Variants in GALNT10 observed in about 807,000 individuals in gnomAD.
GALNT10 encodes the protein polypeptide N-acetylgalactosaminyltransferase 10.
Under a neutral mutation model 75.0 loss-of-function variants are expected in GALNT10, and 41 were observed. The ratio of observed to expected loss-of-function variants is 0.55; its 90% CI spans 0.43 to 0.71. GALNT10 has a LOEUF of 0.71. Among genes scored for constraint, GALNT10 ranks in the 30% least tolerant of loss-of-function variants. GALNT10 has a pLI of 0.00. For missense variants in GALNT10, 727 were observed against 818.5 expected, an observed-to-expected ratio of 0.89 and a Z score of 1.36; for synonymous variants, 302 against 313.0, an observed-to-expected ratio of 0.96 and a Z score of 0.37.
chr5:154,375,846 G>A (rs1054121090), intron 4 of GALNT10, among the ~76,000 whole-genome samples: 2 of 152,214 alleles, frequency 1.3e-5, no homozygotes, highest in African/African-American at 4.8e-5. Flanking sequence ...CCAAGGGAAT[G>A]GAATGCCCTG....
rs1257453145 is a variant in GALNT10 at position 154,420,686 on chromosome 5, G to T, written c.*3714G>T. On this transcript the variant is annotated 3_prime_UTR_variant, in exon 12 of 12. Coordinates refer to ENST00000297107, the MANE Select transcript of GALNT10 (RefSeq NM_198321.4). ...ACTGCCACCTCTGGGATGGGAGTCG[G>T]ACCTACATACCAAGTGACAAGTTCA... The T allele has an allele frequency of 6.6e-6, 1 of 152,154 alleles. No individual in the cohort carries two copies. Among genetic ancestry groups the T allele is most frequent in the African/African-American group, 2.4e-5 (1 of 41,434 alleles). 9.4% of individuals were successfully genotyped at this position (152,154 alleles called of 1,614,324 possible). A position where few individuals can be genotyped will look rare whatever the true frequency, so the allele number is the denominator to read the frequency against.
rs1418157575 is a variant in GALNT10 at position 154,418,129 on chromosome 5, C to T, written c.*1157C>T. 1 of 152,250 alleles carries T rather than the reference C, an allele frequency of 6.6e-6. No homozygotes were observed. The highest frequency in any genetic ancestry group is 1.5e-5 in the Non-Finnish European group (1 of 68,060). The allele number at this position is 152,250 out of a possible 1,614,324, so 9.4% of individuals were successfully genotyped here. A position where few individuals can be genotyped will look rare whatever the true frequency, so the allele number is the denominator to read the frequency against. ...AGGAGCCAGCCAGGTGTAATACAGT[C>T]AAGGCAGCCCCCAGCCTAGAGACAA... is the stretch of plus-strand genomic sequence containing the variant. On this transcript the variant is annotated 3_prime_UTR_variant, in exon 12 of 12. Coordinates refer to ENST00000297107, the MANE Select transcript of GALNT10 (RefSeq NM_198321.4).
intron 1 of GALNT10, among the ~76,000 whole-genome samples, chr5:154,285,513 C>T (rs568671503): frequency 1.3e-4 from 20 of 152,244 alleles, no homozygotes; most frequent in African/African-American, 4.6e-4. Flanking sequence ...ATATCCAGCT[C>T]TTACAGATGA....
chr5:154,233,378 G>A (rs893663945), intron 1 of GALNT10, among the ~76,000 whole-genome samples: 1 of 152,138 alleles, frequency 6.6e-6, no homozygotes, highest in African/African-American at 2.4e-5. Context: ...ATAAATGAAG[G>A]GCTCCAAAGT....
chr5:154,328,134 G>A lies in GALNT10; in HGVS notation c.402-1438G>A, dbSNP rs139766668. Among the ~76,000 whole-genome samples the A allele has an allele frequency of 7.8e-3, 1,191 of 151,792 alleles. 15 individuals carry two copies. The highest frequency in any genetic ancestry group is 0.027 in the African/African-American group (1,123 of 41,424). On this transcript the variant is annotated intron_variant, in intron 3 of 11. Coordinates refer to ENST00000297107, the MANE Select transcript of GALNT10 (RefSeq NM_198321.4). ...TATGTATAAAAGAGACTTAGGAGAC[G>A]CATGAGCTGTATGCAGTACGTGGAC...
intron 4 of GALNT10, among the ~76,000 whole-genome samples, chr5:154,355,212 G>C (rs1351320002): frequency 6.6e-6 from 1 of 152,092 alleles, no homozygotes; most frequent in Non-Finnish European, 1.5e-5. Flanking sequence ...GAGGCACGGG[G>C]CCCCACCTTC....
intron 1 of GALNT10, among the ~76,000 whole-genome samples, chr5:154,259,472 G>A (rs887969076): frequency 3.3e-5 from 5 of 152,114 alleles, no homozygotes; most frequent in Non-Finnish European, 1.5e-5. Flanking sequence ...GCAATTAATA[G>A]GTATCTTTTT....
At chr5:154,361,782 C>T (rs904402194) in intron 4 of GALNT10, among the ~76,000 whole-genome samples, 2 of 152,214 alleles carry the variant, frequency 1.3e-5, no homozygotes, top group Admixed American at 1.3e-4. Context: ...CTAACATGAG[C>T]ACCTATTAAT....
chr5:154,362,436 T>C (rs762151857), intron 4 of GALNT10, among the ~76,000 whole-genome samples: 2 of 151,972 alleles, frequency 1.3e-5, no homozygotes, highest in Non-Finnish European at 2.9e-5. Context: ...AAAGTAAAAA[T>C]TGCTCACTGC....
rs1754810631 is a variant in GALNT10, at chr5:154,329,578, C to A, written c.408C>A (p.Asn136Lys). The A allele has an allele frequency of 1.2e-6, 2 of 1,613,650 alleles. No homozygotes were observed. Among genetic ancestry groups the A allele is most frequent in the Middle Eastern group, 1.6e-4 (1 of 6,062 alleles). ...CCCTTATGTTTCCCTCTAGCTGCAA[C>A]AGCAAGCGCTACCTGGAGACACTTC... ...SLPDIRHPNC[N>K]SKRYLETLPN... The change falls in exon 4 of 12, where the codon AAC becomes AAA. Residue 136 changes from asparagine to lysine, a missense_variant. Physicochemically the swap from Asn to Lys is moderately conservative, Grantham distance 94 (BLOSUM62 0). Coordinates refer to ENST00000297107, the MANE Select transcript of GALNT10 (RefSeq NM_198321.4).
intron 1 of GALNT10, among the ~76,000 whole-genome samples, chr5:154,267,244 T>C (rs1344374524): frequency 1.3e-5 from 2 of 152,248 alleles, no homozygotes; most frequent in Non-Finnish European, 2.9e-5. Context: ...AAAGTAGCTG[T>C]GGCTACTTGG....
intron 4 of GALNT10, among the ~76,000 whole-genome samples, chr5:154,338,996 A>C (rs1395335315): frequency 3.3e-5 from 5 of 151,860 alleles, no homozygotes; most frequent in Non-Finnish European, 2.9e-5. Flanking sequence ...AGGCACAATG[A>C]CTGTTTTTAC....
At chr5:154,239,132 TC>T (rs1472819886) in intron 1 of GALNT10, among the ~76,000 whole-genome samples, 5 of 152,218 alleles carry the variant, frequency 3.3e-5, no homozygotes, top group Non-Finnish European at 7.3e-5. Context: ...CTTCACATCT[TC>T]CTTCCTCTTC....
At chr5:154,195,127 A>T (rs1190438257) in intron 1 of GALNT10, among the ~76,000 whole-genome samples, 1 of 152,230 alleles carries the variant, frequency 6.6e-6, no homozygotes, top group Non-Finnish European at 1.5e-5. Flanking sequence ...TTAAAAGATA[A>T]CCATCTAGCT....
intron 4 of GALNT10, among the ~76,000 whole-genome samples, chr5:154,355,381 T>C (rs1160480550): frequency 6.6e-6 from 1 of 152,248 alleles, no homozygotes; most frequent in Non-Finnish European, 1.5e-5. Context: ...AAGGCTTCTC[T>C]GATACTCTGG....
At chr5:154,272,708 C>T (rs1753885375) in intron 1 of GALNT10, among the ~76,000 whole-genome samples, 1 of 152,182 alleles carries the variant, frequency 6.6e-6, no homozygotes, top group African/African-American at 2.4e-5. Context: ...AATAATAGTG[C>T]CACCCTCTAG....
At chr5:154,329,861 G>C (rs747906913) in intron 4 of GALNT10, 123 bp downstream of exon 4, 11 of 619,818 alleles carry the variant, frequency 1.8e-5, no homozygotes, top group Non-Finnish European at 2.5e-5. Flanking sequence ...TAAATGCCTG[G>C]ACGTTGCACT....
At position 154,402,879 on chromosome 5, in the gene GALNT10, C is replaced by T. The variant is rs890423333; in HGVS notation, c.1057-1225C>T. On this transcript the variant is annotated intron_variant, in intron 7 of 11. Coordinates refer to ENST00000297107, the MANE Select transcript of GALNT10 (RefSeq NM_198321.4). The surrounding 1 kb of genome is among the most constrained non-coding windows in gnomAD (Gnocchi z 4.2). ...GTGGAAGCCACGGCATCTTTATGAC[C>T]GTCATTTCTGCAGTATCCTGTGGGT... The T allele has an allele frequency of 6.6e-6, 1 of 152,194 alleles. No individual in the cohort carries two copies. The highest frequency in any genetic ancestry group is 2.4e-5 in the African/African-American group (1 of 41,426). The allele number at this position is 152,194 out of a possible 1,614,324, so 9.4% of individuals were successfully genotyped here.
At chr5:154,374,471 A>G (rs960589649) in intron 4 of GALNT10, among the ~76,000 whole-genome samples, 5 of 152,212 alleles carry the variant, frequency 3.3e-5, no homozygotes, top group Admixed American at 1.3e-4. Context: ...CCAGCACAAA[A>G]GTCATTTTTT....
Sources: allele counts gnomAD v4.1 joint callset (sites outside exome capture counted in the v4.1 genomes callset), GRCh38; gene constraint gnomAD v4.1.1; non-coding constraint Gnocchi (gnomAD v3.1); transcripts MANE v1.5; gene names NCBI Gene and HGNC (gene_info 2026-07-23, HGNC 2026-07-21).